Variants in RASEF observed in about 807,000 individuals in gnomAD.
RASEF encodes the protein RAS and EF-hand domain containing.
Under a neutral mutation model 90.1 loss-of-function variants are expected in RASEF, and 68 were observed. The observed-to-expected ratio is 0.75, with a 90% CI of 0.62 to 0.92. The LOEUF is 0.92. Ranked by LOEUF, RASEF falls within the 40% of genes least tolerant of loss-of-function variation. The pLI is 0.00. For missense variants in RASEF, 949 were observed against 937.2 expected, an observed-to-expected ratio of 1.01 and a Z score of -0.16; for synonymous variants, 331 against 345.2, an observed-to-expected ratio of 0.96 and a Z score of 0.46.
At chr9:83,066,733 T>G (rs1407512223), upstream of RASEF, among the ~76,000 whole-genome samples, 1 of 152,236 alleles carries the variant, frequency 6.6e-6, no homozygotes, top group Non-Finnish European at 1.5e-5. Flanking sequence ...TGGAAAGAAA[T>G]AATTTTGTGA....
chr9:83,007,611 C>G, intron 6 of RASEF, 106 bp from the exon 7 acceptor site: 1 of 816,840 alleles, frequency 1.2e-6, no homozygotes, highest in South Asian at 1.4e-5. Context: ...GACGAGTGTC[C>G]TTGGCCACAG....
the RASEF span, among the ~76,000 whole-genome samples, chr9:83,144,360 A>G: frequency 1.7e-5 from 2 of 118,706 alleles, no homozygotes; most frequent in African/African-American, 7.4e-5. Flanking sequence ...AGAAAGAAAG[A>G]AAGAAAGAAA....
At chr9:83,011,833 C>CT (rs1829252319) in intron 5 of RASEF, among the ~76,000 whole-genome samples, 1 of 152,030 alleles carries the variant, frequency 6.6e-6, no homozygotes, top group South Asian at 2.1e-4. Flanking sequence ...GACCATGAAG[C>CT]TGGGAACCTT....
chr9:83,047,684 G>A (rs1829958433), intron 1 of RASEF, among the ~76,000 whole-genome samples: 1 of 152,152 alleles, frequency 6.6e-6, no homozygotes. Flanking sequence ...TTGAGCCTGA[G>A]TGAGATAACT....
the RASEF span, among the ~76,000 whole-genome samples, chr9:83,194,155 T>C: frequency 6.6e-6 from 1 of 152,218 alleles, no homozygotes; most frequent in African/African-American, 2.4e-5. Context: ...CTCCATACTG[T>C]ATTCAGATTT....
chr9:83,158,463 G>A, the RASEF span, among the ~76,000 whole-genome samples: 8 of 151,144 alleles, frequency 5.3e-5, no homozygotes, highest in Non-Finnish European at 1.0e-4. Flanking sequence ...TACAAACATA[G>A]TGTATATTTA....
chr9:83,137,440 T>C, the RASEF span, among the ~76,000 whole-genome samples: 2 of 152,256 alleles, frequency 1.3e-5, no homozygotes, highest in South Asian at 4.1e-4. Flanking sequence ...AATATCTGTA[T>C]TAAAAGTTAA....
At chr9:82,992,782 C>T (rs1587478292) in intron 15 of RASEF, 124 bp downstream of exon 15, 1 of 941,968 alleles carries the variant, frequency 1.1e-6, no homozygotes, top group Non-Finnish European at 1.6e-6. Flanking sequence ...AGGACAGATG[C>T]CTCAGACGGG....
chr9:83,184,233 T>C, the RASEF span, among the ~76,000 whole-genome samples: 1 of 152,090 alleles, frequency 6.6e-6, no homozygotes, highest in Admixed American at 6.6e-5. Context: ...GTGGGTAGCA[T>C]TTGAGCTGTA....
chr9:83,163,412 G>A, the RASEF span, among the ~76,000 whole-genome samples: 2 of 152,194 alleles, frequency 1.3e-5, no homozygotes, highest in South Asian at 2.1e-4. Context: ...TGGCAGGGAT[G>A]TAGGAATTAT....
chr9:83,037,744 AT>A (rs35483330), intron 1 of RASEF, among the ~76,000 whole-genome samples: 8,951 of 131,800 alleles, frequency 0.068, 290 homozygotes, highest in African/African-American at 0.13. Flanking sequence ...TAAATGTCCT[AT>A]TTTTTTTTTT....
In RASEF at chr9:83,009,637, A is replaced by T; in HGVS notation, c.959+4T>A. ...AACTAACAAATAAAATGCAAAGTTC[A>T]TACCTTTCAGTATTCAGACTCTGAT... is the stretch of plus-strand genomic sequence containing the variant. On this transcript the variant is annotated splice_donor_region_variant and intron_variant, in intron 6 of 16. Coordinates refer to ENST00000376447, the MANE Select transcript of RASEF (RefSeq NM_152573.4). 6.5e-7 allele frequency: 1 copy of T among 1,548,728 alleles called. No individual in the cohort carries two copies. The highest frequency in any genetic ancestry group is 1.7e-4 in the Middle Eastern group (1 of 5,886).
At chr9:83,004,442 T>C (rs994596184) in intron 9 of RASEF, 56 bp downstream of exon 9, 1 of 909,128 alleles carries the variant, frequency 1.1e-6, no homozygotes, top group Admixed American at 2.2e-5. Flanking sequence ...GGAAATTTAC[T>C]TTCCTTTTAA....
the RASEF span, among the ~76,000 whole-genome samples, chr9:83,141,474 G>C: frequency 6.6e-6 from 1 of 152,198 alleles, no homozygotes; most frequent in South Asian, 2.1e-4. Flanking sequence ...GAGACTTCTG[G>C]CTATGGCTGA....
At chr9:83,181,974 C>A in the RASEF span, among the ~76,000 whole-genome samples, 1 of 152,194 alleles carries the variant, frequency 6.6e-6, no homozygotes, top group South Asian at 2.1e-4. Flanking sequence ...AGCACAAGTT[C>A]CCTCTTTCCA....
At chr9:83,139,967 C>A in the RASEF span, among the ~76,000 whole-genome samples, 3 of 152,026 alleles carry the variant, frequency 2.0e-5, no homozygotes, top group East Asian at 5.8e-4. Context: ...GAAACTAAGG[C>A]TATAAATCAA....
chr9:83,088,299 CTATATT>C, the RASEF span, among the ~76,000 whole-genome samples: 3 of 151,416 alleles, frequency 2.0e-5, no homozygotes, highest in Non-Finnish European at 4.4e-5. Flanking sequence ...GTATCTCTCT[CTATATT>C]TATATATCTA....
At chr9:83,038,766 G>A (rs957146702) in intron 1 of RASEF, among the ~76,000 whole-genome samples, 29 of 152,116 alleles carry the variant, frequency 1.9e-4, no homozygotes, top group African/African-American at 7.0e-4. Flanking sequence ...ATAAAATAGT[G>A]TTTTGATAAA....
chr9:83,139,153 T>C, the RASEF span, among the ~76,000 whole-genome samples: 2 of 152,176 alleles, frequency 1.3e-5, no homozygotes, highest in Admixed American at 1.3e-4. Flanking sequence ...AGTAGGGAGC[T>C]TGTTAGACAA....
Sources: allele counts gnomAD v4.1 joint callset (sites outside exome capture counted in the v4.1 genomes callset), GRCh38; gene constraint gnomAD v4.1.1; transcripts MANE v1.5; gene names NCBI Gene and HGNC (gene_info 2026-07-23, HGNC 2026-07-21).